The following DLG2 variants were observed in gnomAD, a reference collection of about 807,000 sequenced individuals.
The protein encoded by DLG2 is discs large MAGUK scaffold protein 2, also known as disks large homolog 2.
Under a neutral mutation model 132.5 loss-of-function variants are expected in DLG2, and 45 were observed. The observed-to-expected ratio is 0.34, with a 90% CI of 0.27 to 0.44. The LOEUF is 0.44. Among genes scored for constraint, DLG2 ranks in the 20% least tolerant of loss-of-function variants. DLG2 has a pLI of 1.00. For synonymous variants in DLG2, 424 were observed against 419.6 expected (o/e 1.01, Z -0.13); for missense variants, 1,045 against 1,196.9 (o/e 0.87, Z 1.87).
intron 12 of DLG2, among the ~76,000 whole-genome samples, chr11:83,979,240 T>C (rs1008311727): frequency 1.3e-5 from 2 of 152,092 alleles, no homozygotes; most frequent in Admixed American, 6.6e-5. Flanking sequence ...AATATAAAAT[T>C]TGGAGGTTCA....
intron 11 of DLG2, among the ~76,000 whole-genome samples, chr11:84,023,442 A>G (rs1448588181): frequency 6.6e-6 from 1 of 152,180 alleles, no homozygotes; most frequent in East Asian, 1.9e-4. Context: ...ATTTAAAGAC[A>G]TCACCTGAGT....
intron 6 of DLG2, among the ~76,000 whole-genome samples, chr11:84,981,363 G>A (rs914253518): frequency 6.6e-6 from 1 of 152,108 alleles, no homozygotes; most frequent in Admixed American, 6.6e-5. Context: ...AGGAAGGGTC[G>A]TGACCGTAGG....
chr11:83,973,921 C>G (rs980200999), intron 12 of DLG2, among the ~76,000 whole-genome samples: 2 of 151,986 alleles, frequency 1.3e-5, no homozygotes, highest in African/African-American at 4.8e-5. Flanking sequence ...TCACAATTTA[C>G]TAGTTATGTA....
chr11:83,771,380 A>T (rs1435397429), intron 18 of DLG2, among the ~76,000 whole-genome samples: 1 of 152,190 alleles, frequency 6.6e-6, no homozygotes, highest in Non-Finnish European at 1.5e-5. Context: ...TTTGTAGGAA[A>T]TTCAAGTGTT....
chr11:83,521,737 T>C (rs1419253431), intron 21 of DLG2, among the ~76,000 whole-genome samples: 1 of 152,130 alleles, frequency 6.6e-6, no homozygotes, highest in East Asian at 1.9e-4. Flanking sequence ...ATGAATGACA[T>C]TTTTAACAGT....
At chr11:84,907,856 G>A (rs1202252892) in intron 6 of DLG2, among the ~76,000 whole-genome samples, 1 of 152,150 alleles carries the variant, frequency 6.6e-6, no homozygotes, top group Non-Finnish European at 1.5e-5. Context: ...TTAGCCTTCT[G>A]GGCAAGTCAC....
chr11:84,407,857 T>G (rs2098865030), intron 7 of DLG2, among the ~76,000 whole-genome samples: 2 of 152,192 alleles, frequency 1.3e-5, no homozygotes, highest in Non-Finnish European at 2.9e-5. Context: ...TTTCCCCATA[T>G]TCAATCATCA....
chr11:83,982,270 C>T (rs1229767390), intron 11 of DLG2, among the ~76,000 whole-genome samples: 2 of 151,948 alleles, frequency 1.3e-5, no homozygotes, highest in Admixed American at 6.6e-5. Flanking sequence ...CCTCAAGCAA[C>T]TCTTTCAGGA....
At chr11:83,679,213 G>T (rs982035038) in intron 18 of DLG2, among the ~76,000 whole-genome samples, 2 of 152,158 alleles carry the variant, frequency 1.3e-5, no homozygotes, top group Non-Finnish European at 2.9e-5. Context: ...ATAACGGAAA[G>T]CAAAATAGGA....
chr11:84,061,426 T>A (rs2096588660), intron 10 of DLG2, among the ~76,000 whole-genome samples: 1 of 152,204 alleles, frequency 6.6e-6, no homozygotes, highest in Non-Finnish European at 1.5e-5. Context: ...ATAAAACTTA[T>A]TATCTACATT....
chr11:85,499,875 G>C (rs2093756545), intron 3 of DLG2, among the ~76,000 whole-genome samples: 1 of 152,022 alleles, frequency 6.6e-6, no homozygotes, highest in African/African-American at 2.4e-5. Flanking sequence ...ATGCAGAAAA[G>C]GCCTCTGACA....
intron 7 of DLG2, among the ~76,000 whole-genome samples, chr11:84,356,167 G>A (rs2098610071): frequency 6.6e-6 from 1 of 152,080 alleles, no homozygotes; most frequent in Non-Finnish European, 1.5e-5. Context: ...TTTTGGTGGG[G>A]AAAGCAGTCC....
chr11:83,689,745 A>G (rs2080512998), intron 18 of DLG2, among the ~76,000 whole-genome samples: 1 of 151,750 alleles, frequency 6.6e-6, no homozygotes, highest in South Asian at 2.1e-4. Context: ...AACATTCATC[A>G]CTCATACCAA....
At chr11:84,573,973 T>A in intron 6 of DLG2, among the ~76,000 whole-genome samples, 1 of 152,204 alleles carries the variant, frequency 6.6e-6, no homozygotes, top group East Asian at 1.9e-4. Context: ...GGTACTTAAC[T>A]ATTCAACCAA....
intron 8 of DLG2, among the ~76,000 whole-genome samples, chr11:84,194,901 A>G (rs1412850635): frequency 3.3e-5 from 5 of 152,110 alleles, no homozygotes; most frequent in Admixed American, 1.3e-4. Flanking sequence ...CGCGGGGCCT[A>G]TTGAGCCTGC....
Position 83,518,088 on chromosome 11 carries a change from C to A in DLG2, c.2193+14620G>T, listed in dbSNP as rs187202734. On this transcript the variant is annotated intron_variant, in intron 21 of 27. Transcript: ENST00000376104. ...TTTAAGTCTGCAGAGGTTTCTGGTG[C>A]CTTTTGTTTGGCTATGCCCTGCCCC... 5.9e-3 allele frequency among the ~76,000 whole-genome samples: 897 copies of A among 152,322 alleles called. 13 individuals are homozygous for A. The highest frequency in any genetic ancestry group is 0.021 in the African/African-American group (867 of 41,574).
chr11:84,708,976 TA>T (rs2060077093), intron 6 of DLG2, among the ~76,000 whole-genome samples: 1 of 151,930 alleles, frequency 6.6e-6, no homozygotes, highest in Admixed American at 6.6e-5. Flanking sequence ...AAAAGTTGTC[TA>T]GTTGAATACC....
chr11:83,614,152 G>A (rs866992488), intron 19 of DLG2, among the ~76,000 whole-genome samples: 1 of 152,328 alleles, frequency 6.6e-6, no homozygotes, highest in Non-Finnish European at 1.5e-5. Context: ...GGGTGGGGAG[G>A]TGGAGTTGGA....
chr11:84,124,600 TTC>T (rs1378344600), intron 9 of DLG2, among the ~76,000 whole-genome samples: 1 of 152,190 alleles, frequency 6.6e-6, no homozygotes, highest in African/African-American at 2.4e-5. Context: ...CCTTCCCATT[TTC>T]TCTCTTTCTT....
Sources: gnomAD v4.1 joint callset for allele counts (sites outside exome capture counted in the v4.1 genomes callset) on GRCh38, gnomAD v4.1.1 for gene constraint, MANE v1.5 for transcripts, NCBI Gene and HGNC (gene_info 2026-07-23, HGNC 2026-07-21) for gene names.